TRPV2: variants seen among roughly 807,000 people sequenced by gnomAD.
TRPV2 encodes the protein OTRPC2.
In TRPV2, 58 loss-of-function variants were observed where a neutral mutation model predicts 91.0. That is an observed-to-expected ratio of 0.64 (90% CI 0.52 to 0.79). The LOEUF (loss-of-function observed/expected upper bound fraction) is 0.79, where lower values mean the gene tolerates loss of function less well. Ranked by LOEUF, TRPV2 falls within the 30% of genes least tolerant of loss-of-function variation. The pLI is 0.00. For missense variants in TRPV2, 807 were observed against 969.6 expected, an observed-to-expected ratio of 0.83 and a Z score of 2.23; for synonymous variants, 417 against 414.8, an observed-to-expected ratio of 1.01 and a Z score of -0.06.
chr17:16,431,298 T>A lies in TRPV2; in HGVS notation c.1588-486T>A, dbSNP rs1484741817. ...ATATATATATATATACATATTTTTTTTTTTTTTTTTTTTGAGACGAAGTCT... is the reference window on the plus strand; with the variant it reads ...ATATATATATATATACATATTTTTTATTTTTTTTTTTTTGAGACGAAGTCT... On this transcript the variant is annotated intron_variant, in intron 10 of 14. Coordinates refer to ENST00000338560, the MANE Select transcript of TRPV2 (RefSeq NM_016113.5). Among the ~76,000 whole-genome samples the A allele has an allele frequency of 6.2e-3, 497 of 80,388 alleles. 7 individuals carry two copies. Among genetic ancestry groups the A allele is most frequent in the South Asian group, 0.011 (30 of 2,712 alleles). 52.7% of individuals were successfully genotyped at this position (80,388 alleles called of 152,430 possible).
In TRPV2 at chr17:16,431,289, A is replaced by AT. The variant is rs1491306214; in HGVS notation, c.1588-494dup. ...TATATATATATATATATATATATAC[A>AT]TATTTTTTTTTTTTTTTTTTTTGAG... On this transcript the variant is annotated intron_variant, in intron 10 of 14. Coordinates refer to ENST00000338560, the MANE Select transcript of TRPV2 (RefSeq NM_016113.5). Among the ~76,000 whole-genome samples the AT allele has an allele frequency of 1.6e-3, 25 of 16,098 alleles. 1 individual carries two copies. Among genetic ancestry groups the AT allele is most frequent in the African/African-American group, 2.3e-3 (11 of 4,826 alleles). The allele number at this position is 16,098 out of a possible 152,430, so 10.6% of individuals were successfully genotyped here. A position where few individuals can be genotyped will look rare whatever the true frequency, so the allele number is the denominator to read the frequency against.
chr17:16,419,367 G>A, intron 2 of TRPV2: 1 of 471,092 alleles, frequency 2.1e-6, no homozygotes, highest in Non-Finnish European at 4.4e-6. Context: ...CTTCTTGGTG[G>A]TGTCTGATAT....
At chr17:16,431,037 GTTTTTTT>G (rs762155859) in intron 10 of TRPV2, among the ~76,000 whole-genome samples, 1 of 139,688 alleles carries the variant, frequency 7.2e-6, no homozygotes, top group South Asian at 2.3e-4. Flanking sequence ...ACCCTGGAAG[GTTTTTTT>G]TTTTTGTTTT....
chr17:16,428,588 G>C, intron 9 of TRPV2: 1 of 712,274 alleles, frequency 1.4e-6, no homozygotes, highest in Non-Finnish European at 2.4e-6. Context: ...GATGGTGATA[G>C]TGACATTTAC....
At position 16,426,522 on chromosome 17, in the gene TRPV2, A is replaced by G. The variant is rs1016086904; in HGVS notation, c.1096-200A>G. On this transcript the variant is annotated intron_variant, in intron 6 of 14. Transcript: ENST00000338560. This position sits in a 1 kb window ranked among gnomAD's most constrained non-coding sequence, Gnocchi z 6.0. ...ATCCGGGTCCTCTCTGTTAACCAGC[A>G]TCTCATTTGGAGGGCAAGCCCCTTA... Among the ~76,000 whole-genome samples the G allele has an allele frequency of 4.7e-4, 71 of 152,170 alleles. No individual in the cohort carries two copies. Among genetic ancestry groups the G allele is most frequent in the African/African-American group, 1.7e-3 (69 of 41,444 alleles).
intron 13 of TRPV2, chr17:16,434,574 T>A (rs1462812617): frequency 3.4e-6 from 1 of 295,572 alleles, no homozygotes; most frequent in Non-Finnish European, 6.2e-6. Flanking sequence ...GCAGCCATGA[T>A]AGGCCCCAGA....
At chr17:16,421,810 G>A (rs890893178) in intron 3 of TRPV2, among the ~76,000 whole-genome samples, 9 of 152,102 alleles carry the variant, frequency 5.9e-5, no homozygotes, top group Non-Finnish European at 1.0e-4. Flanking sequence ...GAGCCACTGC[G>A]CCTGGCCTTA....
At position 16,423,621 on chromosome 17, in the gene TRPV2, G is replaced by T; in HGVS notation, c.778G>T (p.Ala260Ser). Reference protein sequence around the residue: ...HALVMISDNSAENIALVTSMY... With the variant: ...HALVMISDNSSENIALVTSMY... ...CCTAGTGATGATCTCGGACAACTCA[G>T]CTGAGAACATTGCACTGGTGACCAG... Residue 260 changes from alanine to serine, a missense_variant, in exon 5 of 15, where the codon GCT (alanine) becomes TCT (serine). Ala to Ser is a moderately conservative substitution (Grantham distance 99, BLOSUM62 1). Transcript: ENST00000338560. The T allele has an allele frequency of 6.2e-7, 1 of 1,614,178 alleles. No individual in the cohort carries two copies. The highest frequency in any genetic ancestry group is 1.1e-5 in the South Asian group (1 of 91,088).
chr17:16,417,549 C>T lies in TRPV2; in HGVS notation c.-107-13C>T. On this transcript the variant is annotated splice_polypyrimidine_tract_variant and intron_variant, in intron 1 of 14. Coordinates refer to ENST00000338560, the MANE Select transcript of TRPV2 (RefSeq NM_016113.5). Reference sequence around the variant, plus strand: ...CCCAGCCTTTTGCACTAACCTAATACCTCCTTTTGCAGGCTCCAGTCAGGC... The same window carrying T: ...CCCAGCCTTTTGCACTAACCTAATATCTCCTTTTGCAGGCTCCAGTCAGGC... The T allele has an allele frequency of 9.3e-7, 1 of 1,073,968 alleles. No individual in the cohort carries two copies. Among genetic ancestry groups the T allele is most frequent in the Non-Finnish European group, 1.4e-6 (1 of 731,296 alleles). The allele number at this position is 1,073,968 out of a possible 1,614,324, so 66.5% of individuals were successfully genotyped here. A position where few individuals can be genotyped will look rare whatever the true frequency, so the allele number is the denominator to read the frequency against.
rs370803898 is a variant in TRPV2 at position 16,434,847 on chromosome 17, C to T, written c.2115-43C>T. 1.4e-5 allele frequency: 23 copies of T among 1,588,408 alleles called. No individual in the cohort carries two copies. The East Asian group carries it at 3.2e-4, about 22-fold the overall frequency. On this transcript the variant is annotated intron_variant, in intron 13 of 14. Coordinates refer to ENST00000338560, the MANE Select transcript of TRPV2 (RefSeq NM_016113.5). ...CCCCTCTCCGGGGTGGGAGGGGAGG[C>T]GGTCAAAGCAGGCAAACCTCAGAGC...
At position 16,426,045 on chromosome 17, in the gene TRPV2, A is replaced by T; in HGVS notation, c.925-54A>T. 1 of 1,599,406 alleles carries T rather than the reference A, an allele frequency of 6.3e-7. No individual in the cohort carries two copies. The highest frequency in any genetic ancestry group is 8.6e-7 in the Non-Finnish European group (1 of 1,169,232). ...CCTGGGTGTTTCCCAGCCTTGGCCC[A>T]GGATCAGTGCCAGGAAGGGACCATG... is the stretch of plus-strand genomic sequence containing the variant. On this transcript the variant is annotated intron_variant, in intron 5 of 14. Coordinates refer to ENST00000338560, the MANE Select transcript of TRPV2 (RefSeq NM_016113.5). The surrounding 1 kb of genome is among the most constrained non-coding windows in gnomAD (Gnocchi z 6.0).
At position 16,431,879 on chromosome 17, in the gene TRPV2, T is replaced by C. The variant is rs765372210; in HGVS notation, c.1654+29T>C. 17 of 1,613,300 alleles carry C rather than the reference T, an allele frequency of 1.1e-5. No homozygotes were observed. In the South Asian group the frequency reaches 1.6e-4, roughly 16 times the overall value. ...AAGGCTCCCTCCGGCCCCCTCCCCC[T>C]TCCCCACGTTCCTTGTCCACCCTGT... On this transcript the variant is annotated intron_variant, in intron 11 of 14. Transcript: ENST00000338560.
In TRPV2 at chr17:16,436,848, G is replaced by A. The variant is rs1312100717; in HGVS notation, c.2254G>A (p.Glu752Lys). ...PPKEDEDGASEENYVPVQLLQ... is the reference protein window; with the variant it reads ...PPKEDEDGASKENYVPVQLLQ... ...CAAGGAGGATGAGGATGGTGCCTCT[G>A]AGGAAAACTATGTGCCCGTCCAGCT... The change falls in exon 15 of 15, where the codon GAG (glutamate) becomes AAG (lysine). Residue 752 changes from glutamate (E) to lysine (K), a missense_variant. Physicochemically the swap from Glu to Lys is moderately conservative, Grantham distance 56 (BLOSUM62 1). Transcript: ENST00000338560. The A allele has an allele frequency of 1.9e-6, 3 of 1,614,040 alleles. No homozygotes were observed. The highest frequency in any genetic ancestry group is 2.5e-6 in the Non-Finnish European group (3 of 1,180,012).
chr17:16,418,123 A>G (rs1353515708), intron 2 of TRPV2, among the ~76,000 whole-genome samples: 1 of 152,116 alleles, frequency 6.6e-6, no homozygotes, highest in Non-Finnish European at 1.5e-5. Flanking sequence ...TACATTCTTG[A>G]GCTCTAAGTC....
At chr17:16,431,901 C>G (rs1038246098) in intron 11 of TRPV2, 51 bp downstream of exon 11, 10 of 1,613,602 alleles carry the variant, frequency 6.2e-6, no homozygotes, top group Non-Finnish European at 7.6e-6. Context: ...CTTGTCCACC[C>G]TGTACACTCC....
chr17:16,427,629 C>T, intron 8 of TRPV2, 82 bp downstream of exon 8: 2 of 1,340,220 alleles, frequency 1.5e-6, no homozygotes, highest in South Asian at 1.4e-5. Flanking sequence ...AGCTGCATCC[C>T]CTCACTGACA....
Position 16,416,000 on chromosome 17 carries a change from C to T in TRPV2, c.-108+167C>T, listed in dbSNP as rs1192880165. 1 of 152,298 alleles carries T rather than the reference C, an allele frequency of 6.6e-6. No homozygotes were observed. The highest frequency in any genetic ancestry group is 1.9e-4 in the East Asian group (1 of 5,174). 9.4% of individuals were successfully genotyped at this position (152,298 alleles called of 1,614,324 possible). On this transcript the variant is annotated intron_variant, in intron 1 of 14. Coordinates refer to ENST00000338560, the MANE Select transcript of TRPV2 (RefSeq NM_016113.5). This position sits in a 1 kb window ranked among gnomAD's most constrained non-coding sequence, Gnocchi z 4.5. ...TCCCTGGACCTCCACACCCCTTCCTCTGCTGCCAGGGTGGGTGAGGGTCCC... is the reference window on the plus strand; with the variant it reads ...TCCCTGGACCTCCACACCCCTTCCTTTGCTGCCAGGGTGGGTGAGGGTCCC...
rs772534292 is a variant in TRPV2 at position 16,436,797 on chromosome 17, G to A, written c.2203G>A (p.Glu735Lys). Residue 735 changes from glutamate (E) to lysine (K), a missense_variant, in exon 15 of 15, where the codon GAG becomes AAG. By Grantham distance (56) the Glu-to-Lys change is moderately conservative (BLOSUM62 1). Coordinates refer to ENST00000338560, the MANE Select transcript of TRPV2 (RefSeq NM_016113.5). ...PSGAGVPRTL[E>K]NPVLASPPKE... The stretch of plus-strand genomic sequence containing the variant: ...TTGCCATCTGTTTACAGGAACTCTC[G>A]AGAACCCTGTCCTGGCTTCCCCTCC... 3.1e-6 allele frequency: 5 copies of A among 1,613,564 alleles called. No homozygotes were observed. The highest frequency in any genetic ancestry group is 4.5e-5 in the East Asian group (2 of 44,894).
chr17:16,418,606 G>A (rs1283190950), intron 2 of TRPV2, among the ~76,000 whole-genome samples: 2 of 152,100 alleles, frequency 1.3e-5, no homozygotes, highest in African/African-American at 4.8e-5. Flanking sequence ...TGTGCTGGAG[G>A]ACAGTGGTCA....
Sources: allele counts gnomAD v4.1 joint callset (sites outside exome capture counted in the v4.1 genomes callset), GRCh38; gene constraint gnomAD v4.1.1; non-coding constraint Gnocchi (gnomAD v3.1); transcripts MANE v1.5; gene names NCBI Gene and HGNC (gene_info 2026-07-23, HGNC 2026-07-21).